Variants in LMF2 observed in about 807,000 individuals in gnomAD.
LMF2 encodes lipase maturation factor 2, also known as transmembrane protein 112B.
Under a neutral mutation model 81.5 loss-of-function variants are expected in LMF2, and 113 were observed. The ratio of observed to expected loss-of-function variants is 1.39; its 90% CI spans 1.19 to 1.62. The LOEUF (loss-of-function observed/expected upper bound fraction) is 1.62, where lower values mean the gene tolerates loss of function less well. LMF2 is among the 40% of genes most tolerant of loss of function. The pLI is 0.00. For missense variants in LMF2, 1,235 were observed against 929.1 expected (o/e 1.33, Z -4.28); for synonymous variants, 645 against 424.5 (o/e 1.52, Z -6.39).
chr22:50,505,097 A>AG lies in LMF2; in HGVS notation c.1213dup (p.Leu405ProfsTer13). ...CAAGGCCACGGTCGCAGTGCCCACA[A>AG]GGGACAGTTGGACTACAGCACTGAG... On this transcript the variant is annotated frameshift_variant, in exon 9 of 14. Coordinates refer to ENST00000474879, the MANE Select transcript of LMF2 (RefSeq NM_033200.3). LOFTEE classifies it high-confidence loss of function. 1 of 1,612,986 alleles carries AG rather than the reference A, an allele frequency of 6.2e-7. No individual in the cohort carries two copies. The highest frequency in any genetic ancestry group is 8.5e-7 in the Non-Finnish European group (1 of 1,180,010).
Position 50,506,231 on chromosome 22 carries a change from A to C in LMF2, c.596-18T>G. The stretch of plus-strand genomic sequence containing the variant: ...GGTGAGGGCTGCAGGCGAGGGCAGG[A>C]GTCAGGGCTGGCCGAGCCCCCAGAC... On this transcript the variant is annotated intron_variant, in intron 4 of 13. Coordinates refer to ENST00000474879, the MANE Select transcript of LMF2 (RefSeq NM_033200.3). 1 of 1,550,370 alleles carries C rather than the reference A, an allele frequency of 6.5e-7. No homozygotes were observed. The highest frequency in any genetic ancestry group is 1.4e-5 in the African/African-American group (1 of 73,230).
rs765740732 is a variant in LMF2 at position 50,505,693 on chromosome 22, G to C, written c.897C>G (p.Ser299Arg). 3 of 1,612,640 alleles carry C rather than the reference G, an allele frequency of 1.9e-6. No individual in the cohort carries two copies. The highest frequency in any genetic ancestry group is 1.3e-5 in the African/African-American group (1 of 74,934). The change falls in exon 6 of 14, where the codon AGC becomes AGG. Residue 299 changes from serine to arginine, a missense_variant. Coordinates refer to ENST00000474879, the MANE Select transcript of LMF2 (RefSeq NM_033200.3). Reference sequence around the variant, plus strand: ...ACGCACAGGTGGCCGTCTTCTTGCGGCTGCCGTGGCCAGGCTCAGCAGCCA... The same window carrying C: ...ACGCACAGGTGGCCGTCTTCTTGCGCCTGCCGTGGCCAGGCTCAGCAGCCA... ...QHLAAEPGHG[S>R]RKKTATSWPK...
chr22:50,507,512 C>T, intron 1 of LMF2, 70 bp downstream of exon 1: 2 of 1,212,252 alleles, frequency 1.6e-6, no homozygotes, highest in South Asian at 1.3e-5. Flanking sequence ...GCGTGAGTGC[C>T]GGGCACAGAG....
rs2068512403 is a variant in LMF2 at position 50,504,811 on chromosome 22, G to A, written c.1428C>T (p.His476=). The change falls in exon 10 of 14, where the codon CAC becomes CAT. Residue 476 remains histidine, a synonymous_variant. Transcript: ENST00000474879. ...EVVLEGSYDG[H]HWTEIEFMYK... is the part of the protein sequence containing the mutation. Reference sequence around the variant, plus strand: ...CCCTGGGAGGGCTCACCGTCCAGTGGTGGCCGTCGTAACTGCCCTCCAGCA... The same window carrying A: ...CCCTGGGAGGGCTCACCGTCCAGTGATGGCCGTCGTAACTGCCCTCCAGCA... 9 of 1,606,328 alleles carry A rather than the reference G, an allele frequency of 5.6e-6. No homozygotes were observed. Among genetic ancestry groups the A allele is most frequent in the Non-Finnish European group, 6.8e-6 (8 of 1,175,500 alleles).
Position 50,504,463 on chromosome 22 carries a change from G to A in LMF2, c.1607-12C>T, listed in dbSNP as rs757351802. On this transcript the variant is annotated splice_polypyrimidine_tract_variant and intron_variant, in intron 11 of 13. Transcript: ENST00000474879. Reference sequence around the variant, plus strand: ...GACAAGGCGGATCACTGCAGCGAGAGGCATCAGCGTGGCCCCCACAGTACC... The same window carrying A: ...GACAAGGCGGATCACTGCAGCGAGAAGCATCAGCGTGGCCCCCACAGTACC... 1.7e-5 allele frequency: 27 copies of A among 1,608,762 alleles called. No homozygotes were observed. The highest frequency in any genetic ancestry group is 3.3e-5 in the South Asian group (3 of 90,938).
intron 2 of LMF2, 39 bp from the exon 3 acceptor site, chr22:50,506,705 T>C (rs1407249147): frequency 6.2e-7 from 1 of 1,613,522 alleles, no homozygotes. Context: ...GGTGTGTCTG[T>C]GGACTCAGGT....
At position 50,503,314 on chromosome 22, in the gene LMF2, C is replaced by T. The variant is rs2068453872; in HGVS notation, c.*77G>A. On this transcript the variant is annotated 3_prime_UTR_variant, in exon 14 of 14. Transcript: ENST00000474879. ...TGCAGGGTCAGCTAAGGCACAGTGG[C>T]TGGGTCCTGTCCTGCCGGAGGCCAG... 8 of 1,497,436 alleles carry T rather than the reference C, an allele frequency of 5.3e-6. No individual in the cohort carries two copies. The highest frequency in any genetic ancestry group is 5.5e-6 in the Non-Finnish European group (6 of 1,099,834). 92.8% of individuals were successfully genotyped at this position (1,497,436 alleles called of 1,614,324 possible).
Position 50,504,895 on chromosome 22 carries a change from C to T in LMF2, c.1344G>A (p.Leu448=). 6.2e-7 allele frequency: 1 copy of T among 1,609,848 alleles called. No individual in the cohort carries two copies. ...GGCGGAAGAGGCCGTAGGAGTTGGC[C>T]AGCTGTAGGTGCTCCACGGCACCAA... is the stretch of plus-strand genomic sequence containing the variant. The part of the protein sequence containing the change: ...RLFGAVEHLQ[L]ANSYGLFRRM... The change falls in exon 10 of 14, where the codon CTG becomes CTA. Residue 448 remains leucine, a synonymous_variant. Coordinates refer to ENST00000474879, the MANE Select transcript of LMF2 (RefSeq NM_033200.3).
chr22:50,506,435 G>A lies in LMF2; in HGVS notation c.445C>T (p.Arg149Cys), dbSNP rs200084182. ...LVAPLRPASH[R>C]KEAPQGRQAG... ...TGCCTGCCCTGGGGGGCCTCCTTGC[G>A]GTGGGAGGCTGGCCTCAGCGGGGCC... Residue 149 changes from arginine (R) to cysteine (C), a missense_variant, in exon 4 of 14, where the codon CGC becomes TGC. Transcript: ENST00000474879. 2,382 of 1,550,516 alleles carry A rather than the reference G, an allele frequency of 1.5e-3. 3 individuals carry two copies. Among genetic ancestry groups the A allele is most frequent in the Non-Finnish European group, 2.0e-3 (2,253 of 1,148,304 alleles).
intron 6 of LMF2, 38 bp downstream of exon 6, chr22:50,505,636 C>T (rs531884259): frequency 6.2e-7 from 1 of 1,611,674 alleles, no homozygotes; most frequent in Non-Finnish European, 8.5e-7. Flanking sequence ...GAGGGGAGAA[C>T]CCCTGGGAGG....
intron 11 of LMF2, 44 bp from the exon 12 acceptor site, chr22:50,504,495 G>GGCCCCACCCCCC: frequency 7.5e-7 from 1 of 1,339,596 alleles, no homozygotes; most frequent in Non-Finnish European, 1.0e-6. Context: ...TACCCGCCCT[G>GGCCCCACCCCCC]CCCCTCCCCT....
At chr22:50,506,739 T>C (rs577398393) in intron 2 of LMF2, 43 bp downstream of exon 2, 23 of 1,611,326 alleles carry the variant, frequency 1.4e-5, no homozygotes, top group African/African-American at 2.7e-5. Flanking sequence ...GGGTGGGTGG[T>C]GGGGGTTGGA....
chr22:50,503,946 G>A (rs752326036), intron 12 of LMF2, 42 bp from the exon 13 acceptor site: 20 of 1,556,884 alleles, frequency 1.3e-5, no homozygotes, highest in Non-Finnish European at 1.7e-5. Context: ...GGCACCCCGG[G>A]CTCCATACCC....
In LMF2 at chr22:50,504,885, A is replaced by G; in HGVS notation, c.1354T>C (p.Tyr452His). ...CCAGTCATGCGGCGGAAGAGGCCGT[A>G]GGAGTTGGCCAGCTGTAGGTGCTCC... is the stretch of plus-strand genomic sequence containing the variant. Reference protein sequence around the residue: ...AVEHLQLANSYGLFRRMTGLG... With the variant: ...AVEHLQLANSHGLFRRMTGLG... The change falls in exon 10 of 14, where the codon TAC (tyrosine) becomes CAC (histidine). Residue 452 changes from tyrosine (Y) to histidine (H), a missense_variant. Physicochemically the swap from Tyr to His is moderately conservative, Grantham distance 83. Coordinates refer to ENST00000474879, the MANE Select transcript of LMF2 (RefSeq NM_033200.3). The G allele has an allele frequency of 6.2e-7, 1 of 1,610,822 alleles. No individual in the cohort carries two copies. The highest frequency in any genetic ancestry group is 8.5e-7 in the Non-Finnish European group (1 of 1,178,996).
rs1244403523 is a variant in LMF2 at position 50,504,897 on chromosome 22, G to A, written c.1342C>T (p.Leu448=). The A allele has an allele frequency of 2.1e-5, 34 of 1,609,342 alleles. No individual in the cohort carries two copies. The highest frequency in any genetic ancestry group is 2.9e-5 in the Non-Finnish European group (34 of 1,178,342). The change falls in exon 10 of 14, where the codon CTG becomes TTG. Residue 448 remains leucine (L), a synonymous_variant. Coordinates refer to ENST00000474879, the MANE Select transcript of LMF2 (RefSeq NM_033200.3). ...RLFGAVEHLQ[L]ANSYGLFRRM... Reference sequence around the variant, plus strand: ...CGGAAGAGGCCGTAGGAGTTGGCCAGCTGTAGGTGCTCCACGGCACCAAAC... The same window carrying A: ...CGGAAGAGGCCGTAGGAGTTGGCCAACTGTAGGTGCTCCACGGCACCAAAC...
At chr22:50,507,138 G>C in intron 1 of LMF2, 103 bp from the exon 2 acceptor site, 1 of 1,465,918 alleles carries the variant, frequency 6.8e-7, no homozygotes, top group Non-Finnish European at 9.0e-7. Context: ...AGAGCATGCG[G>C]ATACCTCCAT....
rs766833929 is a variant in LMF2 at position 50,504,919 on chromosome 22, A to G, written c.1320T>C (p.Phe440=). 74 of 1,608,246 alleles carry G rather than the reference A, an allele frequency of 4.6e-5. No individual in the cohort carries two copies. Among genetic ancestry groups the G allele is most frequent in the Non-Finnish European group, 6.2e-5 (73 of 1,177,612 alleles). Residue 440 remains phenylalanine, a synonymous_variant, in exon 10 of 14, where the codon TTT becomes TTC. Coordinates refer to ENST00000474879, the MANE Select transcript of LMF2 (RefSeq NM_033200.3). ...GRLWTGAHRL[F]GAVEHLQLAN... is the part of the protein sequence containing the mutation. ...CCAGCTGTAGGTGCTCCACGGCACCAAACAGGCGGTGGGCCCCGGTCCAGA... is the reference window on the plus strand; with the variant it reads ...CCAGCTGTAGGTGCTCCACGGCACCGAACAGGCGGTGGGCCCCGGTCCAGA...
rs372168527 is a variant in LMF2, at chr22:50,504,458, C to T, written c.1607-7G>A. ...CTCTGGACAAGGCGGATCACTGCAGCGAGAGGCATCAGCGTGGCCCCCACA... is the reference window on the plus strand; with the variant it reads ...CTCTGGACAAGGCGGATCACTGCAGTGAGAGGCATCAGCGTGGCCCCCACA... On this transcript the variant is annotated splice_region_variant and splice_polypyrimidine_tract_variant and intron_variant, in intron 11 of 13. Coordinates refer to ENST00000474879, the MANE Select transcript of LMF2 (RefSeq NM_033200.3). 29 of 1,609,680 alleles carry T rather than the reference C, an allele frequency of 1.8e-5. No individual in the cohort carries two copies. The Middle Eastern group carries it at 5.0e-4, about 28-fold the overall frequency.
At position 50,504,745 on chromosome 22, in the gene LMF2, G is replaced by A. The variant is rs757784970; in HGVS notation, c.1438-18C>T. ...TCGATCTCCTGCCAGGCAGGCCGAG[G>A]TCAGCTGGGCCCGCTGACCTGGGCC... is the stretch of plus-strand genomic sequence containing the variant. On this transcript the variant is annotated intron_variant, in intron 10 of 13. Transcript: ENST00000474879. 1.2e-6 allele frequency: 2 copies of A among 1,608,732 alleles called. No homozygotes were observed. The highest frequency in any genetic ancestry group is 4.5e-5 in the East Asian group (2 of 44,850).
Sources: gnomAD v4.1 joint callset for allele counts on GRCh38, gnomAD v4.1.1 for gene constraint, MANE v1.5 for transcripts, NCBI Gene and HGNC (gene_info 2026-07-23, HGNC 2026-07-21) for gene names.